The following CCDC91 variants were observed in gnomAD, a reference collection of about 807,000 sequenced individuals.
CCDC91 encodes coiled-coil domain-containing protein 91.
CCDC91 carries 48 observed loss-of-function variants against 63.2 expected under a neutral mutation model. The ratio of observed to expected loss-of-function variants is 0.76; its 90% CI spans 0.60 to 0.97. The LOEUF (loss-of-function observed/expected upper bound fraction) is 0.97, where lower values mean the gene tolerates loss of function less well. CCDC91 is among the 50% of genes least tolerant of loss of function. The probability of loss-of-function intolerance (pLI) is 0.00; values close to 1 mark genes in which losing one functional copy is unlikely to be tolerated. For missense variants in CCDC91, 500 were observed against 494.6 expected (o/e 1.01, Z -0.10); for synonymous variants, 167 against 165.8 (o/e 1.01, Z -0.06).
chr12:28,417,620 GATATAT>G (rs34996637), intron 8 of CCDC91, among the ~76,000 whole-genome samples: 1 of 139,766 alleles, frequency 7.2e-6, no homozygotes, highest in Non-Finnish European at 1.6e-5. Flanking sequence ...GAACCTTTGA[GATATAT>G]ATATATATAT....
At chr12:28,508,649 A>G (rs1213295355) in intron 12 of CCDC91, among the ~76,000 whole-genome samples, 1 of 151,872 alleles carries the variant, frequency 6.6e-6, no homozygotes, top group Non-Finnish European at 1.5e-5. Context: ...TGAAGTGACC[A>G]GGTGACAGTA....
At chr12:28,453,169 A>G (rs957531916) in intron 11 of CCDC91, among the ~76,000 whole-genome samples, 1 of 152,030 alleles carries the variant, frequency 6.6e-6, no homozygotes, top group African/African-American at 2.4e-5. Context: ...ATCAACAGGC[A>G]TGACCTACAT....
intron 3 of CCDC91, among the ~76,000 whole-genome samples, chr12:28,272,334 T>G (rs1167193619): frequency 6.6e-6 from 1 of 151,990 alleles, no homozygotes; most frequent in African/African-American, 2.4e-5. Flanking sequence ...TTCTGAAAAT[T>G]CTTGGCCGTT....
In CCDC91 at chr12:28,450,215, A is replaced by G. The variant is rs755753980; in HGVS notation, c.817A>G (p.Ile273Val). The G allele has an allele frequency of 6.2e-7, 1 of 1,610,814 alleles. No individual in the cohort carries two copies. The highest frequency in any genetic ancestry group is 8.5e-7 in the Non-Finnish European group (1 of 1,177,994). Residue 273 changes from isoleucine to valine, a missense_variant, in exon 9 of 13, where the codon ATA becomes GTA. Ile to Val is a conservative substitution (Grantham distance 29). Coordinates refer to ENST00000536442, the MANE Select transcript of CCDC91 (RefSeq NM_018318.5). ...AGAGAAGGAACTGTTAAAAGAAAAA[A>G]TAAAGGAAGCTTTGATTCAGCAATC... ...DTEKELLKEK[I>V]KEALIQQSQE...
chr12:28,329,414 G>A (rs1386850605), intron 6 of CCDC91, among the ~76,000 whole-genome samples: 3 of 151,976 alleles, frequency 2.0e-5, no homozygotes, highest in Non-Finnish European at 2.9e-5. Flanking sequence ...ATATTTCATA[G>A]GTGAAACTGT....
chr12:28,384,182 G>A lies in CCDC91; in HGVS notation c.655-7122G>A, dbSNP rs115404888. ...AATGGAGAATGTAAGTATTGCAGAA[G>A]AAATGTATATTAATAGACAAAGTAT... On this transcript the variant is annotated intron_variant, in intron 7 of 12. Transcript: ENST00000536442. 6.1e-3 allele frequency among the ~76,000 whole-genome samples: 924 copies of A among 152,128 alleles called. 13 individuals carry two copies. Among genetic ancestry groups the A allele is most frequent in the African/African-American group, 0.021 (859 of 41,516 alleles).
intron 8 of CCDC91, among the ~76,000 whole-genome samples, chr12:28,421,208 T>C (rs1947986503): frequency 6.6e-6 from 1 of 152,288 alleles, no homozygotes; most frequent in South Asian, 2.1e-4. Context: ...TAAAAAACTA[T>C]GTTTTAAAAC....
At position 28,417,777 on chromosome 12, in the gene CCDC91, T is replaced by C. The variant is rs74841692; in HGVS notation, c.762+26366T>C. 9.1e-3 allele frequency among the ~76,000 whole-genome samples: 1,392 copies of C among 152,174 alleles called. 27 individuals carry two copies. The highest frequency in any genetic ancestry group is 0.032 in the African/African-American group (1,323 of 41,542). On this transcript the variant is annotated intron_variant, in intron 8 of 12. Coordinates refer to ENST00000536442, the MANE Select transcript of CCDC91 (RefSeq NM_018318.5). Reference sequence around the variant, plus strand: ...CTACCCTTTTAGCAAGTTTCAACCATGCAATACTGGATTAACTATGGTCCC... The same window carrying C: ...CTACCCTTTTAGCAAGTTTCAACCACGCAATACTGGATTAACTATGGTCCC...
chr12:28,437,988 G>A (rs1216573908), intron 8 of CCDC91, among the ~76,000 whole-genome samples: 1 of 152,028 alleles, frequency 6.6e-6, no homozygotes, highest in Admixed American at 6.6e-5. Flanking sequence ...AAAAATTGAG[G>A]ACTAAATACG....
chr12:28,212,093 C>T (rs1367034253), intron 1 of CCDC91, among the ~76,000 whole-genome samples: 1 of 152,072 alleles, frequency 6.6e-6, no homozygotes, highest in African/African-American at 2.4e-5. Flanking sequence ...TACCGCAATC[C>T]CCAGCCACTG....
At chr12:28,275,918 A>G (rs1264613093) in intron 3 of CCDC91, among the ~76,000 whole-genome samples, 4 of 152,154 alleles carry the variant, frequency 2.6e-5, no homozygotes, top group Non-Finnish European at 5.9e-5. Flanking sequence ...ACAAAATTCA[A>G]CAACCCTTCA....
chr12:28,200,906 G>A (rs1714193488), intron 1 of CCDC91, among the ~76,000 whole-genome samples: 1 of 150,672 alleles, frequency 6.6e-6, no homozygotes, highest in South Asian at 2.1e-4. Flanking sequence ...GCGGGGGGCT[G>A]ACCCCGCCAC....
chr12:28,276,337 G>T (rs568367663), intron 3 of CCDC91, among the ~76,000 whole-genome samples: 1 of 151,978 alleles, frequency 6.6e-6, no homozygotes, highest in African/African-American at 2.4e-5. Flanking sequence ...TGTCATTTTG[G>T]ATTCACTGGG....
At chr12:28,344,848 A>G (rs1410778642) in intron 6 of CCDC91, among the ~76,000 whole-genome samples, 2 of 152,130 alleles carry the variant, frequency 1.3e-5, no homozygotes, top group South Asian at 4.1e-4. Context: ...CCATTGCTTA[A>G]TGTCAGCCAG....
chr12:28,260,022 C>T (rs565116488), intron 3 of CCDC91, among the ~76,000 whole-genome samples: 1 of 151,910 alleles, frequency 6.6e-6, no homozygotes, highest in Non-Finnish European at 1.5e-5. Context: ...TTTTCTTCAA[C>T]AGCTCTGCCT....
At chr12:28,455,188 CT>C (rs1950000570) in intron 11 of CCDC91, among the ~76,000 whole-genome samples, 1 of 151,904 alleles carries the variant, frequency 6.6e-6, no homozygotes, top group South Asian at 2.1e-4. Flanking sequence ...CCAGAAGATG[CT>C]TTTTAGGACT....
At chr12:28,392,165 A>G (rs951451879) in intron 8 of CCDC91, among the ~76,000 whole-genome samples, 2 of 152,146 alleles carry the variant, frequency 1.3e-5, no homozygotes, top group African/African-American at 4.8e-5. Context: ...GTGGCTTGGA[A>G]GAGGAAATAC....
At chr12:28,397,498 T>TA (rs893085567) in intron 8 of CCDC91, among the ~76,000 whole-genome samples, 120 of 146,332 alleles carry the variant, frequency 8.2e-4, no homozygotes, top group African/African-American at 2.1e-3. Flanking sequence ...CTAGAAAGAT[T>TA]AAAAAAAAAA....
intron 7 of CCDC91, among the ~76,000 whole-genome samples, chr12:28,379,006 G>T (rs1945115905): frequency 6.6e-6 from 1 of 152,066 alleles, no homozygotes. Flanking sequence ...CTTGCCAGAA[G>T]CCTCATTCTA....
Sources: allele counts gnomAD v4.1 joint callset (sites outside exome capture counted in the v4.1 genomes callset), GRCh38; gene constraint gnomAD v4.1.1; transcripts MANE v1.5; gene names NCBI Gene and HGNC (gene_info 2026-07-23, HGNC 2026-07-21).